TSNARE1: variants seen among roughly 807,000 people sequenced by gnomAD.
The protein encoded by TSNARE1 is t-SNARE domain-containing protein 1.
In TSNARE1, 49 loss-of-function variants were observed where a neutral mutation model predicts 62.0. That is an observed-to-expected ratio of 0.79 (90% CI 0.63 to 1.00). The LOEUF (loss-of-function observed/expected upper bound fraction) is 1.00. TSNARE1 is among the 50% of genes least tolerant of loss of function. The probability of loss-of-function intolerance (pLI) is 0.00; values close to 1 mark genes in which losing one functional copy is unlikely to be tolerated. For missense variants in TSNARE1, 755 were observed against 700.1 expected (o/e 1.08, Z -0.88); for synonymous variants, 328 against 294.4 (o/e 1.11, Z -1.17).
At chr8:142,395,540 T>C (rs186048966) in intron 1 of TSNARE1, among the ~76,000 whole-genome samples, 4 of 152,112 alleles carry the variant, frequency 2.6e-5, no homozygotes, top group Non-Finnish European at 5.9e-5. Context: ...CAAGTGACAG[T>C]GAGGCTGGAG....
At chr8:142,398,164 A>G (rs1361737531) in intron 1 of TSNARE1, among the ~76,000 whole-genome samples, 1 of 151,994 alleles carries the variant, frequency 6.6e-6, no homozygotes. Context: ...GACACAGCTC[A>G]GGCCTCACCA....
chr8:142,397,732 C>G (rs1837997173), intron 1 of TSNARE1, among the ~76,000 whole-genome samples: 1 of 152,158 alleles, frequency 6.6e-6, no homozygotes, highest in African/African-American at 2.4e-5. Context: ...CAGCCTGAAG[C>G]CCAGGGTTGC....
intron 1 of TSNARE1, among the ~76,000 whole-genome samples, chr8:142,391,593 C>T (rs959152254): frequency 1.3e-5 from 2 of 152,242 alleles, no homozygotes; most frequent in African/African-American, 4.8e-5. Flanking sequence ...GTTCCTGGCG[C>T]CTCCAAGCTT....
chr8:142,243,953 C>G (rs1421695255), intron 12 of TSNARE1, among the ~76,000 whole-genome samples: 1 of 151,766 alleles, frequency 6.6e-6, no homozygotes, highest in Admixed American at 6.6e-5. Flanking sequence ...TTTGGGAGGC[C>G]GAGGCAGGCG....
chr8:142,384,166 G>T (rs969656457), intron 1 of TSNARE1, among the ~76,000 whole-genome samples: 5 of 152,122 alleles, frequency 3.3e-5, no homozygotes, highest in Admixed American at 2.6e-4. Context: ...GCAGAGTAGG[G>T]ACCATACACG....
chr8:142,277,407 G>C (rs1406374813), intron 11 of TSNARE1: 5 of 985,358 alleles, frequency 5.1e-6, no homozygotes, highest in Non-Finnish European at 6.0e-6. Flanking sequence ...CCTGCACTGG[G>C]TCAACTCGCT....
chr8:142,222,494 ACTCACTCATC>A (rs2129945251), intron 13 of TSNARE1, among the ~76,000 whole-genome samples: 2 of 113,264 alleles, frequency 1.8e-5, no homozygotes, highest in East Asian at 2.6e-4. Context: ...TCACTCATCC[ACTCACTCATC>A]CACTCACTCA....
At chr8:142,254,712 G>A (rs889907227) in intron 12 of TSNARE1, among the ~76,000 whole-genome samples, 27 of 152,210 alleles carry the variant, frequency 1.8e-4, no homozygotes, top group African/African-American at 6.3e-4. Flanking sequence ...CTCACCACCT[G>A]CCAGCTGCAT....
chr8:142,256,674 C>G (rs1310763998), intron 12 of TSNARE1, among the ~76,000 whole-genome samples: 1 of 151,782 alleles, frequency 6.6e-6, no homozygotes, highest in Non-Finnish European at 1.5e-5. Context: ...CACAGGCAAT[C>G]CTGAGGCATT....
intron 2 of TSNARE1, among the ~76,000 whole-genome samples, chr8:142,350,358 A>G (rs1471744758): frequency 2.6e-5 from 4 of 152,378 alleles, no homozygotes; most frequent in South Asian, 4.1e-4. Flanking sequence ...CATTTAGATA[A>G]AACAGTCGAA....
intron 5 of TSNARE1, 82 bp downstream of exon 5, chr8:142,331,672 C>A: frequency 7.2e-7 from 1 of 1,386,198 alleles, no homozygotes; most frequent in Middle Eastern, 1.8e-4. Flanking sequence ...GGGAAGCCAT[C>A]CAGCACCCTC....
At chr8:142,295,827 T>C (rs1194123187) in intron 10 of TSNARE1, among the ~76,000 whole-genome samples, 1 of 151,344 alleles carries the variant, frequency 6.6e-6, no homozygotes, top group African/African-American at 2.4e-5. Context: ...TCCAACCCCC[T>C]GCACTCACCA....
intron 12 of TSNARE1, among the ~76,000 whole-genome samples, chr8:142,253,112 G>A (rs1760180577): frequency 6.6e-6 from 1 of 152,236 alleles, no homozygotes; most frequent in Admixed American, 6.5e-5. Context: ...GACCGGACGG[G>A]CAGCCTGGCA....
intron 10 of TSNARE1, among the ~76,000 whole-genome samples, chr8:142,285,021 AAAG>A (rs767297629): frequency 3.3e-5 from 5 of 152,206 alleles, no homozygotes; most frequent in African/African-American, 4.8e-5. Flanking sequence ...AGCAAATCCT[AAAG>A]AAGTGGGATA....
At chr8:142,214,916 A>G (rs2129816086) in intron 13 of TSNARE1, among the ~76,000 whole-genome samples, 1 of 152,260 alleles carries the variant, frequency 6.6e-6, no homozygotes, top group South Asian at 2.1e-4. Flanking sequence ...TCTGTGGTAG[A>G]AGCCGCCTGT....
At chr8:142,362,851 T>C (rs572237189) in intron 1 of TSNARE1, among the ~76,000 whole-genome samples, 2 of 152,318 alleles carry the variant, frequency 1.3e-5, no homozygotes, top group South Asian at 4.1e-4. Flanking sequence ...CTTGAATCTG[T>C]TTCTTTCTCT....
At chr8:142,318,181 G>T (rs1415036071) in intron 7 of TSNARE1, among the ~76,000 whole-genome samples, 4 of 152,182 alleles carry the variant, frequency 2.6e-5, no homozygotes, top group Non-Finnish European at 5.9e-5. Context: ...CAGCAGAGGG[G>T]CAGGGGATGC....
At chr8:142,393,423 C>T (rs773173463) in intron 1 of TSNARE1, among the ~76,000 whole-genome samples, 7 of 152,242 alleles carry the variant, frequency 4.6e-5, no homozygotes, top group Non-Finnish European at 7.3e-5. Flanking sequence ...GCATGGCGGC[C>T]GCGTCGGCCA....
chr8:142,338,232 G>A (rs1268669027), intron 4 of TSNARE1, among the ~76,000 whole-genome samples: 1 of 152,200 alleles, frequency 6.6e-6, no homozygotes, highest in Non-Finnish European at 1.5e-5. Context: ...GTCCCCCCAC[G>A]TCTCACTGCA....
Sources: gnomAD v4.1 joint callset for allele counts (sites outside exome capture counted in the v4.1 genomes callset) on GRCh38, gnomAD v4.1.1 for gene constraint, MANE v1.5 for transcripts, NCBI Gene and HGNC (gene_info 2026-07-23, HGNC 2026-07-21) for gene names.